LRMDA: variants seen among roughly 807,000 people sequenced by gnomAD.
LRMDA encodes leucine-rich melanocyte differentiation-associated protein.
Under a neutral mutation model 29.8 loss-of-function variants are expected in LRMDA, and 18 were observed. The observed-to-expected ratio is 0.60, with a 90% CI of 0.42 to 0.90. The LOEUF is 0.90. LRMDA is among the 40% of genes least tolerant of loss of function. The pLI, the probability that LRMDA is intolerant of heterozygous loss-of-function variation, is 0.00. For synonymous variants in LRMDA, 125 were observed against 109.4 expected, an observed-to-expected ratio of 1.14 and a Z score of -0.89; for missense variants, 273 against 273.9, an observed-to-expected ratio of 1.00 and a Z score of 0.02.
intron 2 of LRMDA, among the ~76,000 whole-genome samples, chr10:75,493,118 T>C (rs1845005965): frequency 6.6e-6 from 1 of 152,216 alleles, no homozygotes; most frequent in South Asian, 2.1e-4. Flanking sequence ...TTTTTATGAA[T>C]TGTTATATTT....
chr10:75,538,394 T>A (rs1412220876), intron 2 of LRMDA, among the ~76,000 whole-genome samples: 1 of 152,064 alleles, frequency 6.6e-6, no homozygotes, highest in Non-Finnish European at 1.5e-5. Context: ...GCCTAGTGAG[T>A]GAATGTAAGG....
At chr10:75,525,679 T>G (rs541484833) in intron 2 of LRMDA, among the ~76,000 whole-genome samples, 1 of 151,414 alleles carries the variant, frequency 6.6e-6, no homozygotes, top group African/African-American at 2.4e-5. Context: ...TATAGTTCAT[T>G]ACAAACTGGC....
chr10:76,132,309 A>T (rs1011211325), intron 5 of LRMDA, among the ~76,000 whole-genome samples: 2 of 152,132 alleles, frequency 1.3e-5, no homozygotes, highest in African/African-American at 4.8e-5. Flanking sequence ...TTTTCAGAGG[A>T]GATGGTGTAG....
intron 6 of LRMDA, among the ~76,000 whole-genome samples, chr10:76,485,551 AT>A (rs1339924889): frequency 6.6e-6 from 1 of 151,896 alleles, no homozygotes; most frequent in African/African-American, 2.4e-5. Context: ...ATCAATTAAA[AT>A]TTTTTAAAAA....
chr10:75,449,006 G>A (rs1318232823), intron 2 of LRMDA, among the ~76,000 whole-genome samples: 1 of 152,098 alleles, frequency 6.6e-6, no homozygotes, highest in Admixed American at 6.5e-5. Context: ...ACAAAAATTA[G>A]CCAGGTGTGG....
In LRMDA at chr10:76,139,618, T is replaced by C. The variant is rs10400202; in HGVS notation, c.516+80835T>C. Among the ~76,000 whole-genome samples the C allele has an allele frequency of 1.5e-3, 222 of 152,320 alleles. 2 individuals are homozygous for C. Among genetic ancestry groups the C allele is most frequent in the African/African-American group, 5.1e-3 (212 of 41,576 alleles). The stretch of plus-strand genomic sequence containing the variant: ...GTGGTTTGTCTAGTTCTTATAAAAA[T>C]ACTGCGTATCCCCTTTGATCCTTCG... On this transcript the variant is annotated intron_variant, in intron 5 of 6. Coordinates refer to ENST00000611255, the MANE Select transcript of LRMDA (RefSeq NM_001305581.2).
In LRMDA at chr10:76,063,914, C is replaced by T. The variant is rs761842764; in HGVS notation, c.516+5131C>T. ...CTGGCTTCTCATTGGGATGAGGAAG[C>T]TGCTCGCCCCTGGGGTGCCAGCTCC... On this transcript the variant is annotated intron_variant, in intron 5 of 6. Coordinates refer to ENST00000611255, the MANE Select transcript of LRMDA (RefSeq NM_001305581.2). Among the ~76,000 whole-genome samples, 4 of 152,246 alleles carry T rather than the reference C, an allele frequency of 2.6e-5. 2 individuals are homozygous for T. The highest frequency in any genetic ancestry group is 2.6e-4 in the Admixed American group (4 of 15,296).
intron 2 of LRMDA, among the ~76,000 whole-genome samples, chr10:75,986,471 T>C (rs1589277754): frequency 6.6e-6 from 1 of 152,374 alleles, no homozygotes; most frequent in African/African-American, 2.4e-5. Context: ...ATGCTCGTTG[T>C]CATATGAATG....
At chr10:75,837,964 G>A (rs968014026) in intron 2 of LRMDA, among the ~76,000 whole-genome samples, 1 of 151,946 alleles carries the variant, frequency 6.6e-6, no homozygotes. Context: ...AAGGCTTTTT[G>A]TACCCGATCT....
At chr10:76,464,887 C>T (rs950311785) in intron 6 of LRMDA, 6 of 152,098 alleles carry the variant, frequency 3.9e-5, no homozygotes, top group African/African-American at 9.7e-5. Flanking sequence ...ACATGTGACA[C>T]GGGAAGACAA....
At chr10:76,084,945 G>A (rs892837564) in intron 5 of LRMDA, among the ~76,000 whole-genome samples, 3 of 152,090 alleles carry the variant, frequency 2.0e-5, no homozygotes, top group South Asian at 2.1e-4. Context: ...TGCCTATTTC[G>A]TGACTGAAGG....
At chr10:75,708,281 G>GCT (rs375899393) in intron 2 of LRMDA, among the ~76,000 whole-genome samples, 4 of 152,078 alleles carry the variant, frequency 2.6e-5, no homozygotes, top group African/African-American at 9.7e-5. Context: ...CTCCGCCACT[G>GCT]CTCTCTCTCT....
chr10:75,832,173 A>C (rs1184736667), intron 2 of LRMDA, among the ~76,000 whole-genome samples: 1 of 152,196 alleles, frequency 6.6e-6, no homozygotes, highest in Non-Finnish European at 1.5e-5. Flanking sequence ...CGAAATTTTA[A>C]TGCTCTGTTT....
chr10:75,465,662 C>T (rs558630115), intron 2 of LRMDA, among the ~76,000 whole-genome samples: 4 of 152,166 alleles, frequency 2.6e-5, no homozygotes, highest in Non-Finnish European at 2.9e-5. Context: ...CTTGGCATCA[C>T]GTTGCAAAAA....
intron 2 of LRMDA, among the ~76,000 whole-genome samples, chr10:75,696,184 A>C (rs1842231736): frequency 6.6e-6 from 1 of 152,244 alleles, no homozygotes. Context: ...GTTATGCTGC[A>C]GTAACAACCC....
chr10:76,469,307 G>C (rs1303854599), intron 6 of LRMDA, among the ~76,000 whole-genome samples: 1 of 152,150 alleles, frequency 6.6e-6, no homozygotes, highest in Non-Finnish European at 1.5e-5. Flanking sequence ...ACTCTGAGAT[G>C]CAGAAGTTAA....
At chr10:76,037,284 G>C (rs1726970698) in intron 3 of LRMDA, among the ~76,000 whole-genome samples, 1 of 152,188 alleles carries the variant, frequency 6.6e-6, no homozygotes, top group South Asian at 2.1e-4. Flanking sequence ...TTATTGGATG[G>C]AACATTTGAG....
At chr10:75,677,326 AG>A (rs1488409051) in intron 2 of LRMDA, among the ~76,000 whole-genome samples, 1 of 152,188 alleles carries the variant, frequency 6.6e-6, no homozygotes, top group East Asian at 1.9e-4. Context: ...TAATTTCCTC[AG>A]TCTGGAAGAA....
At chr10:75,602,793 A>G (rs945854059) in intron 2 of LRMDA, among the ~76,000 whole-genome samples, 7 of 152,232 alleles carry the variant, frequency 4.6e-5, no homozygotes, top group African/African-American at 1.2e-4. Context: ...AACTTTATAT[A>G]TTAAAAAAAG....
Sources: gnomAD v4.1 joint callset for allele counts (sites outside exome capture counted in the v4.1 genomes callset) on GRCh38, gnomAD v4.1.1 for gene constraint, MANE v1.5 for transcripts, NCBI Gene and HGNC (gene_info 2026-07-23, HGNC 2026-07-21) for gene names.